The following ADGRD2 variants were observed in gnomAD, a reference collection of about 807,000 sequenced individuals.
ADGRD2 encodes adhesion G protein-coupled receptor D2.
ADGRD2 carries 71 observed loss-of-function variants against 44.4 expected under a neutral mutation model. That is an observed-to-expected ratio of 1.60 (90% CI 1.32 to 1.95). ADGRD2 has a LOEUF of 1.95. ADGRD2 is among the 30% of genes most tolerant of loss of function. The pLI, the probability that ADGRD2 is intolerant of heterozygous loss-of-function variation, is 0.00. For missense variants in ADGRD2, 1,039 were observed against 512.4 expected, an observed-to-expected ratio of 2.03 and a Z score of -9.92; for synonymous variants, 481 against 224.8, an observed-to-expected ratio of 2.14 and a Z score of -10.19.
upstream of ADGRD2, chr9:124,451,206 C>T (rs2131216189): frequency 2.1e-6 from 1 of 471,974 alleles, no homozygotes; most frequent in Admixed American, 2.3e-5. Context: ...ACAGGTGAGG[C>T]CAGAGAACTC....
At chr9:124,478,434 T>G (rs1262317274) in exon 22 of ADGRD2, 1 of 152,480 alleles carries the variant, frequency 6.6e-6, no homozygotes, top group Non-Finnish European at 1.5e-5. Flanking sequence ...CCTAAAGGAC[T>G]GTGGGCCTCA....
intron 7 of ADGRD2, 45 bp from the exon 11 acceptor site, chr9:124,457,427 A>G: frequency 1.8e-6 from 1 of 546,256 alleles, no homozygotes; most frequent in Non-Finnish European, 3.3e-6. Flanking sequence ...CTCAGCAGAA[A>G]GACCTCACTC....
intron 10 of ADGRD2, among the ~76,000 whole-genome samples, chr9:124,459,088 G>A (rs528185769): frequency 1.3e-5 from 2 of 152,344 alleles, no homozygotes; most frequent in South Asian, 4.1e-4. Context: ...AGCATGTGCA[G>A]TGAATTCATT....
chr9:124,474,786 G>A (rs1159065749), intron 17 of ADGRD2, among the ~76,000 whole-genome samples: 1 of 152,196 alleles, frequency 6.6e-6, no homozygotes, highest in Non-Finnish European at 1.5e-5. Flanking sequence ...TGGGGAGAAT[G>A]AATCCACCCC....
chr9:124,456,668 C>T (rs1284873988), exon 7 of ADGRD2: 11 of 717,124 alleles, frequency 1.5e-5, no homozygotes, highest in Non-Finnish European at 2.9e-5. Context: ...CAGCGCCTGG[C>T]ACCCCTGCTG....
chr9:124,451,043 A>T (rs1831456454), upstream of ADGRD2: 1 of 471,532 alleles, frequency 2.1e-6, no homozygotes, highest in African/African-American at 2.0e-5. Context: ...CACCAGCCGG[A>T]ACCACAAGCT....
chr9:124,469,187 G>A (rs1383430966), intron 14 of ADGRD2, 35 bp from the exon 18 acceptor site: 2 of 690,788 alleles, frequency 2.9e-6, no homozygotes, highest in South Asian at 3.1e-5. Flanking sequence ...AAAAGCAGGT[G>A]ACCCAGCCTT....
chr9:124,463,757 G>A (rs975595867), intron 10 of ADGRD2, among the ~76,000 whole-genome samples: 1 of 152,184 alleles, frequency 6.6e-6, no homozygotes, highest in Non-Finnish European at 1.5e-5. Flanking sequence ...TTTCACATCT[G>A]TAGACTCTAC....
chr9:124,477,026 C>A, intron 21 of ADGRD2: 1 of 624,832 alleles, frequency 1.6e-6, no homozygotes, highest in East Asian at 3.5e-5. Context: ...GCACAGCCTG[C>A]CTTTCTCTGT....
rs115206493 is a variant in ADGRD2, at chr9:124,465,977, C to T, written c.1871-281C>T. The T allele has an allele frequency of 5.1e-3, 1,371 of 269,778 alleles. 15 individuals are homozygous for T. Among genetic ancestry groups the T allele is most frequent in the African/African-American group, 0.027 (1,252 of 45,752 alleles). 16.7% of individuals were successfully genotyped at this position (269,778 alleles called of 1,614,324 possible). A position where few individuals can be genotyped will look rare whatever the true frequency, so the allele number is the denominator to read the frequency against. On this transcript the variant is annotated intron_variant, in intron 10 of 21. Transcript: ENST00000334810. ...AGGCTCCAGGGATTATCCTGGCTCC[C>T]TGCCCTGGATCTTTAGCTGAGGTAG...
chr9:124,476,519 G>C, intron 20 of ADGRD2, 104 bp downstream of exon 23: 1 of 641,000 alleles, frequency 1.6e-6, no homozygotes, highest in Non-Finnish European at 2.8e-6. Flanking sequence ...CCGGGGTGGG[G>C]GCTTCCCGGG....
rs545694145 is a variant in ADGRD2, at chr9:124,469,773, CAT to C, written c.2637+227_2637+228del. Among the ~76,000 whole-genome samples the C allele has an allele frequency of 5.9e-4, 90 of 152,378 alleles. 1 individual carries two copies. The South Asian group carries it at 0.018, about 31-fold the overall frequency. On this transcript the variant is annotated intron_variant, in intron 16 of 21. Transcript: ENST00000334810. ...TGTCAACATGCACCCATGCGTGTCA[CAT>C]GTGGGGATGGTCACTGATCCGTTTG...
At chr9:124,470,415 A>C in intron 16 of ADGRD2, 79 bp from the exon 20 acceptor site, 1 of 657,160 alleles carries the variant, frequency 1.5e-6, no homozygotes, top group Non-Finnish European at 2.8e-6. Flanking sequence ...AGGCACGTAC[A>C]GGTGCTGCTC....
At chr9:124,467,429 A>G (rs1167104052) in intron 11 of ADGRD2, 21 of 391,536 alleles carry the variant, frequency 5.4e-5, no homozygotes. Context: ...ATGATACTCC[A>G]TGGTCCCCGG....
chr9:124,466,652 A>T (rs900842136), intron 11 of ADGRD2: 1 of 307,330 alleles, frequency 3.3e-6, no homozygotes, highest in African/African-American at 2.2e-5. Context: ...TCTACCAAAA[A>T]TGCAAAAATT....
In ADGRD2 at chr9:124,453,985, C is replaced by A; in HGVS notation, c.924-14C>A. The stretch of plus-strand genomic sequence containing the variant: ...TCCCCTAGGGAGCCCTGACAGCTCC[C>A]CTGCCCCTGCCAGTGCCCTCCGAGG... On this transcript the variant is annotated splice_polypyrimidine_tract_variant and intron_variant, in intron 3 of 21. Transcript: ENST00000334810. The A allele has an allele frequency of 1.5e-6, 1 of 668,930 alleles. No homozygotes were observed. The allele number at this position is 668,930 out of a possible 1,614,324, so 41.4% of individuals were successfully genotyped here. A position where few individuals can be genotyped will look rare whatever the true frequency, so the allele number is the denominator to read the frequency against.
intron 21 of ADGRD2, chr9:124,477,121 T>C (rs1296077492): frequency 2.1e-6 from 1 of 481,172 alleles, no homozygotes; most frequent in East Asian, 6.4e-5. Flanking sequence ...TCCAGAGCCT[T>C]CCAAACCCGC....
At chr9:124,469,996 G>T (rs1267400845) in intron 16 of ADGRD2, among the ~76,000 whole-genome samples, 1 of 152,160 alleles carries the variant, frequency 6.6e-6, no homozygotes, top group South Asian at 2.1e-4. Context: ...GCCCTCTGGG[G>T]TCACACTCTG....
chr9:124,451,560 G>A (rs918877922), upstream of ADGRD2: 6 of 293,612 alleles, frequency 2.0e-5, no homozygotes, highest in East Asian at 9.9e-5. Context: ...GTCCAAGGGC[G>A]AAGCAAGGCA....
Sources: allele counts gnomAD v4.1 joint callset (sites outside exome capture counted in the v4.1 genomes callset), GRCh38; gene constraint gnomAD v4.1.1; transcripts MANE v1.5; gene names NCBI Gene and HGNC (gene_info 2026-07-23, HGNC 2026-07-21).